TBC1D5: variants seen among roughly 807,000 people sequenced by gnomAD.
TBC1D5 encodes the protein TBC1 domain family member 5.
TBC1D5 carries 75 observed loss-of-function variants against 100.3 expected under a neutral mutation model. The ratio of observed to expected loss-of-function variants is 0.75; its 90% CI spans 0.62 to 0.91. The LOEUF is 0.91. Among genes scored for constraint, TBC1D5 ranks in the 40% least tolerant of loss-of-function variants. TBC1D5 has a pLI of 0.00. For missense variants in TBC1D5, 910 were observed against 942.4 expected (o/e 0.97, Z 0.45); for synonymous variants, 323 against 325.6 (o/e 0.99, Z 0.09).
In TBC1D5 at chr3:17,372,269, A is replaced by G. The variant is rs781141786; in HGVS notation, c.823-22T>C. The G allele has an allele frequency of 1.9e-6, 3 of 1,581,202 alleles. No homozygotes were observed. The South Asian group carries it at 3.5e-5, about 19-fold the overall frequency. ...TCCCCTAAAAACAGAAAAATTGAAC[A>G]TGTATTATTTAAATATGAAATTAAT... On this transcript the variant is annotated intron_variant, in intron 12 of 21. Transcript: ENST00000253692.
intron 16 of TBC1D5, among the ~76,000 whole-genome samples, chr3:17,257,031 T>C (rs1438027820): frequency 1.3e-5 from 2 of 151,274 alleles, no homozygotes; most frequent in Non-Finnish European, 2.9e-5. Context: ...TGGAAGGAGA[T>C]AAGGTCAAAG....
At chr3:17,731,249 T>C (rs1036645869) in intron 1 of TBC1D5, among the ~76,000 whole-genome samples, 2 of 151,902 alleles carry the variant, frequency 1.3e-5, no homozygotes, top group African/African-American at 4.8e-5. Context: ...ACGCCTGTAA[T>C]CCCAGCACTT....
At chr3:17,410,295 A>G (rs1299137142) in intron 4 of TBC1D5, among the ~76,000 whole-genome samples, 4 of 152,140 alleles carry the variant, frequency 2.6e-5, no homozygotes, top group Non-Finnish European at 5.9e-5. Flanking sequence ...ATTGCTCAGG[A>G]AAAAAGATTC....
chr3:17,556,002 A>G (rs1357352384), intron 2 of TBC1D5, among the ~76,000 whole-genome samples: 1 of 151,888 alleles, frequency 6.6e-6, no homozygotes. Context: ...ATCTCTAACC[A>G]CTGAAATTGC....
chr3:17,597,772 G>A (rs910481867), intron 2 of TBC1D5, among the ~76,000 whole-genome samples: 4 of 152,050 alleles, frequency 2.6e-5, no homozygotes, highest in African/African-American at 4.8e-5. Flanking sequence ...AACCATAGTT[G>A]GTACTAAATT....
chr3:17,380,111 A>G (rs985741560), intron 9 of TBC1D5, among the ~76,000 whole-genome samples: 1 of 150,782 alleles, frequency 6.6e-6, no homozygotes, highest in Non-Finnish European at 1.5e-5. Flanking sequence ...AGATCCTACC[A>G]CAGGCCCAGC....
intron 2 of TBC1D5, among the ~76,000 whole-genome samples, chr3:17,541,116 T>C (rs948288378): frequency 2.0e-5 from 3 of 151,642 alleles, no homozygotes; most frequent in African/African-American, 7.3e-5. Context: ...TGTTCTTCTG[T>C]TTCAAGACTG....
rs796129864 is a variant in TBC1D5, at chr3:17,163,262, CCCCT to C, written c.2095-2010_2095-2007del. On this transcript the variant is annotated intron_variant, in intron 21 of 21. Transcript: ENST00000253692. ...AGCCATTTTCTTTTATTGACCCCCC[CCCCT>C]TCCTTGCCCCTTTGCATTACAGATC... 3.5e-3 allele frequency among the ~76,000 whole-genome samples: 220 copies of C among 63,458 alleles called. 6 individuals are homozygous for C. In the South Asian group the frequency reaches 0.14, roughly 40 times the overall value. The allele number at this position is 63,458 out of a possible 152,430, so 41.6% of individuals were successfully genotyped here. A position where few individuals can be genotyped will look rare whatever the true frequency, so the allele number is the denominator to read the frequency against.
In TBC1D5 at chr3:17,716,260, TC is replaced by T. The variant is rs2075230481; in HGVS notation, c.-101+23082del. Among the ~76,000 whole-genome samples the T allele has an allele frequency of 3.3e-5, 5 of 152,146 alleles. No individual in the cohort carries two copies. The South Asian group carries it at 1.0e-3, about 32-fold the overall frequency. On this transcript the variant is annotated intron_variant, in intron 1 of 21. Coordinates refer to ENST00000253692, the Ensembl canonical transcript of TBC1D5. ...CCTCCACTACAGCAACCACCAGAAC[TC>T]ATCTTAGTCAGACCAAAGTGTTCCT...
At chr3:17,415,220 T>C (rs940149298) in intron 4 of TBC1D5, among the ~76,000 whole-genome samples, 27 of 152,144 alleles carry the variant, frequency 1.8e-4, no homozygotes, top group Non-Finnish European at 3.5e-4. Context: ...GCAGTGGCGC[T>C]ATCTCTGCTC....
chr3:17,181,474 C>G (rs763976983), intron 19 of TBC1D5, among the ~76,000 whole-genome samples: 6 of 152,196 alleles, frequency 3.9e-5, no homozygotes, highest in African/African-American at 7.2e-5. Context: ...TGGCAAGGAA[C>G]TGGCAAGATA....
intron 13 of TBC1D5, among the ~76,000 whole-genome samples, chr3:17,363,093 C>T (rs1474146630): frequency 6.6e-6 from 1 of 152,102 alleles, no homozygotes; most frequent in Non-Finnish European, 1.5e-5. Flanking sequence ...AGTTTTAACT[C>T]ATATTTATTA....
intron 2 of TBC1D5, among the ~76,000 whole-genome samples, chr3:17,550,741 T>C (rs922136874): frequency 1.3e-5 from 2 of 152,186 alleles, no homozygotes; most frequent in Non-Finnish European, 2.9e-5. Context: ...CTAACTACTG[T>C]GAGTCACAAA....
chr3:17,590,388 C>A (rs9815204), intron 2 of TBC1D5, among the ~76,000 whole-genome samples: 3 of 151,906 alleles, frequency 2.0e-5, no homozygotes, highest in Non-Finnish European at 4.4e-5. Flanking sequence ...GGCTGAAATA[C>A]GGATTAAAAG....
At chr3:17,389,431 G>C (rs576546445) in intron 8 of TBC1D5, among the ~76,000 whole-genome samples, 1 of 152,072 alleles carries the variant, frequency 6.6e-6, no homozygotes, top group South Asian at 2.1e-4. Context: ...AAAAATAAAC[G>C]TGTCAAAAGT....
At chr3:17,455,643 A>C (rs2095067242) in intron 3 of TBC1D5, among the ~76,000 whole-genome samples, 1 of 151,628 alleles carries the variant, frequency 6.6e-6, no homozygotes, top group Admixed American at 6.6e-5. Context: ...TTCGAAACCA[A>C]CCTGGGCAAC....
At chr3:17,259,587 T>C (rs1405632724) in intron 15 of TBC1D5, among the ~76,000 whole-genome samples, 1 of 152,138 alleles carries the variant, frequency 6.6e-6, no homozygotes, top group Non-Finnish European at 1.5e-5. Flanking sequence ...GGCATGCACT[T>C]CCTTTGAGAT....
chr3:17,362,871 T>C (rs927631535), intron 13 of TBC1D5, among the ~76,000 whole-genome samples: 4 of 152,172 alleles, frequency 2.6e-5, no homozygotes, highest in South Asian at 4.1e-4. Flanking sequence ...CCAGCAGTTT[T>C]CCCCAATGGT....
chr3:17,688,680 G>A (rs902137254), intron 1 of TBC1D5, among the ~76,000 whole-genome samples: 6 of 152,092 alleles, frequency 3.9e-5, no homozygotes, highest in Admixed American at 6.6e-5. Context: ...CACATATCAC[G>A]TTTGTCAGCT....
Sources: allele counts gnomAD v4.1 joint callset (sites outside exome capture counted in the v4.1 genomes callset), GRCh38; gene constraint gnomAD v4.1.1; transcripts MANE v1.5; gene names NCBI Gene and HGNC (gene_info 2026-07-23, HGNC 2026-07-21).